RFC4: variants seen among roughly 807,000 people sequenced by gnomAD.
RFC4 encodes replication factor C subunit 4.
A neutral mutation model predicts 47.6 loss-of-function variants in RFC4; 38 were observed. That is an observed-to-expected ratio of 0.80 (90% CI 0.62 to 1.05). The LOEUF (loss-of-function observed/expected upper bound fraction) is 1.05. Ranked by LOEUF, RFC4 falls within the 50% of genes least tolerant of loss-of-function variation. The probability of loss-of-function intolerance (pLI) is 0.00; values close to 1 mark genes in which losing one functional copy is unlikely to be tolerated. For missense variants in RFC4, 489 were observed against 434.0 expected, an observed-to-expected ratio of 1.13 and a Z score of -1.13; for synonymous variants, 164 against 150.0, an observed-to-expected ratio of 1.09 and a Z score of -0.68.
chr3:186,790,303 C>A, intron 9 of RFC4, 23 bp downstream of exon 9: 1 of 1,612,104 alleles, frequency 6.2e-7, no homozygotes, highest in Non-Finnish European at 8.5e-7. Context: ...TTCCTTTCCC[C>A]AAAGTTAGTA....
At position 186,793,690 on chromosome 3, in the gene RFC4, T is replaced by C. The variant is rs192164712; in HGVS notation, c.411-743A>G. Among the ~76,000 whole-genome samples, 137 of 152,284 alleles carry C rather than the reference T, an allele frequency of 9.0e-4. No homozygotes were observed. In the Middle Eastern group the frequency reaches 0.01, roughly 11 times the overall value. ...TGATGAGCATCTTTTAATGTGCTTATTACACATGCACGAAATGTCTATGCA... is the reference window on the plus strand; with the variant it reads ...TGATGAGCATCTTTTAATGTGCTTACTACACATGCACGAAATGTCTATGCA... On this transcript the variant is annotated intron_variant, in intron 5 of 10. Transcript: ENST00000296273. The surrounding 1 kb of genome is among the most constrained non-coding windows in gnomAD (Gnocchi z 4.2).
At chr3:186,791,610 C>T (rs774773090) in intron 8 of RFC4, 115 bp downstream of exon 8, 4 of 891,318 alleles carry the variant, frequency 4.5e-6, no homozygotes, top group Non-Finnish European at 7.6e-6. Flanking sequence ...TTCCCTTATA[C>T]TTCCTAGTGC....
At chr3:186,805,283 G>C (rs3917095) in intron 1 of RFC4, among the ~76,000 whole-genome samples, 1,590 of 152,238 alleles carry the variant, frequency 0.01, 23 homozygotes, top group East Asian at 0.072. Context: ...TGCAGTGGCG[G>C]AATCATGGTT....
At position 186,790,081 on chromosome 3, in the gene RFC4, AGAAAT is replaced by A. The variant is rs1426834881; in HGVS notation, c.997-22_997-18del. 6.2e-7 allele frequency: 1 copy of A among 1,609,834 alleles called. No homozygotes were observed. Among genetic ancestry groups the A allele is most frequent in the African/African-American group, 1.3e-5 (1 of 74,842 alleles). On this transcript the variant is annotated intron_variant, in intron 10 of 10. Transcript: ENST00000296273. ...GTCAACTTCCTACGAGAAAAATTTA[AGAAAT>A]TAGCATCCTTCAGGTAGTTAAATGT...
chr3:186,797,450 C>T, intron 4 of RFC4, 85 bp downstream of exon 4: 1 of 941,242 alleles, frequency 1.1e-6, no homozygotes, highest in Middle Eastern at 2.5e-4. Flanking sequence ...AAACGAAACG[C>T]AAATTTTTAG....
chr3:186,803,982 G>A (rs1722419446), intron 2 of RFC4, among the ~76,000 whole-genome samples: 2 of 152,024 alleles, frequency 1.3e-5, no homozygotes, highest in Admixed American at 1.3e-4. Context: ...AGGAGTTTGC[G>A]ATCGACCTGA....
At position 186,792,845 on chromosome 3, in the gene RFC4, C is replaced by T. The variant is rs201652361; in HGVS notation, c.513G>A (p.Ser171=). ...AGATAAGACAGAATCGGGTGGTTTT[C>T]GACTCCTTCTCCATGGTACGTCTTA... ...AALRRTMEKE[S]KTTRFCLICN... is the part of the protein sequence containing the mutation. Residue 171 remains serine, a synonymous_variant, in exon 6 of 11, where the codon TCG becomes TCA. Coordinates refer to ENST00000296273, the MANE Select transcript of RFC4 (RefSeq NM_002916.5). The T allele has an allele frequency of 6.3e-5, 101 of 1,613,990 alleles. No homozygotes were observed. The highest frequency in any genetic ancestry group is 5.3e-4 in the East Asian group (24 of 44,886).
intron 4 of RFC4, 64 bp downstream of exon 4, chr3:186,797,458 TAGAGGAAAAAAAG>T: frequency 3.1e-6 from 3 of 975,616 alleles, no homozygotes; most frequent in South Asian, 1.5e-5. Flanking sequence ...CGCAAATTTT[TAGAGGAAAAAAAG>T]CAATATCAGA....
Position 186,790,080 on chromosome 3 carries a change from A to G in RFC4, c.997-16T>C, listed in dbSNP as rs1319030948. The G allele has an allele frequency of 3.7e-6, 6 of 1,610,438 alleles. No individual in the cohort carries two copies. The South Asian group carries it at 5.5e-5, about 15-fold the overall frequency. On this transcript the variant is annotated splice_polypyrimidine_tract_variant and intron_variant, in intron 10 of 10. Transcript: ENST00000296273. ...TGTCAACTTCCTACGAGAAAAATTT[A>G]AGAAATTAGCATCCTTCAGGTAGTT...
chr3:186,797,452 A>C (rs1722265418), intron 4 of RFC4, 83 bp downstream of exon 4: 3 of 957,548 alleles, frequency 3.1e-6, no homozygotes, highest in Middle Eastern at 4.9e-4. Flanking sequence ...ACGAAACGCA[A>C]ATTTTTAGAG....
chr3:186,803,853 T>C (rs780781509), intron 2 of RFC4, among the ~76,000 whole-genome samples: 5 of 151,948 alleles, frequency 3.3e-5, no homozygotes, highest in Non-Finnish European at 7.4e-5. Context: ...CTAATTCAAG[T>C]GTTGTTTGGA....
intron 8 of RFC4, 38 bp downstream of exon 8, chr3:186,791,687 C>T (rs756223674): frequency 6.2e-7 from 1 of 1,603,490 alleles, no homozygotes; most frequent in South Asian, 1.1e-5. Flanking sequence ...CACAAAAAAG[C>T]CAACTAAAAA....
chr3:186,801,014 G>A, intron 3 of RFC4, 103 bp downstream of exon 3: 1 of 848,072 alleles, frequency 1.2e-6, no homozygotes, highest in Non-Finnish European at 2.0e-6. Context: ...ACTGTACACA[G>A]AGCAAGATAT....
chr3:186,792,734 A>T, intron 6 of RFC4, 70 bp downstream of exon 6: 1 of 1,557,274 alleles, frequency 6.4e-7, no homozygotes, highest in Admixed American at 2.0e-5. Context: ...GAAAATCCTA[A>T]ATTTCCTTTC....
At chr3:186,790,286 C>T in intron 9 of RFC4, 31 bp from the exon 10 acceptor site, 1 of 1,610,394 alleles carries the variant, frequency 6.2e-7, no homozygotes, top group Non-Finnish European at 8.5e-7. Flanking sequence ...GGTATGATGA[C>T]TTAATATTCC....
chr3:186,792,455 T>A, intron 7 of RFC4, 35 bp downstream of exon 7: 1 of 1,582,100 alleles, frequency 6.3e-7, no homozygotes, highest in Non-Finnish European at 8.7e-7. Context: ...TCAAAGGAAT[T>A]AGTAACTCTA....
At chr3:186,800,375 CA>C (rs1722327618) in intron 3 of RFC4, among the ~76,000 whole-genome samples, 1 of 152,102 alleles carries the variant, frequency 6.6e-6, no homozygotes, top group Non-Finnish European at 1.5e-5. Flanking sequence ...ATAATTTCAG[CA>C]AGGGAATGAT....
intron 2 of RFC4, among the ~76,000 whole-genome samples, chr3:186,804,289 G>C (rs926560920): frequency 6.6e-6 from 1 of 152,140 alleles, no homozygotes; most frequent in Non-Finnish European, 1.5e-5. Flanking sequence ...AGTATTTATA[G>C]CCAGTTTACA....
chr3:186,800,641 A>G (rs1722332492), intron 3 of RFC4, among the ~76,000 whole-genome samples: 1 of 152,268 alleles, frequency 6.6e-6, no homozygotes, highest in Non-Finnish European at 1.5e-5. Flanking sequence ...GAGAGCTATA[A>G]GCAGAATTCA....
Sources: gnomAD v4.1 joint callset for allele counts (sites outside exome capture counted in the v4.1 genomes callset) on GRCh38, gnomAD v4.1.1 for gene constraint, Gnocchi (gnomAD v3.1) non-coding constraint, MANE v1.5 for transcripts, NCBI Gene and HGNC (gene_info 2026-07-23, HGNC 2026-07-21) for gene names.